TENM3: variants seen among roughly 807,000 people sequenced by gnomAD.
TENM3 encodes teneurin-3.
Under a neutral mutation model 255.1 loss-of-function variants are expected in TENM3, and 63 were observed. That is an observed-to-expected ratio of 0.25 (90% CI 0.20 to 0.30). The LOEUF is 0.30. TENM3 is among the 10% of genes least tolerant of loss of function. The pLI is 1.00. For missense variants in TENM3, 2,929 were observed against 3,461.1 expected (o/e 0.85, Z 3.86); for synonymous variants, 1,306 against 1,322.3 (o/e 0.99, Z 0.27).
the TENM3 span, among the ~76,000 whole-genome samples, chr4:181,729,438 G>A: frequency 6.6e-6 from 1 of 152,158 alleles, no homozygotes; most frequent in East Asian, 1.9e-4. Context: ...GCAGAAGCCC[G>A]GGTCACAGGA....
the TENM3 span, among the ~76,000 whole-genome samples, chr4:182,115,681 A>G: frequency 6.6e-6 from 1 of 152,106 alleles, no homozygotes; most frequent in Non-Finnish European, 1.5e-5. Flanking sequence ...CTCTTTTCTC[A>G]TTCACCCTTT....
At chr4:182,469,494 CA>C in intron 3 of TENM3, among the ~76,000 whole-genome samples, 1 of 152,076 alleles carries the variant, frequency 6.6e-6, no homozygotes. Context: ...GCAGGCATAT[CA>C]CTTGAGGTCA....
chr4:182,549,361 G>T (rs1487453033), intron 3 of TENM3, among the ~76,000 whole-genome samples: 2 of 152,172 alleles, frequency 1.3e-5, no homozygotes, highest in East Asian at 1.9e-4. Flanking sequence ...AAGTTGAGAG[G>T]AGTAGTTACC....
chr4:182,475,472 T>G (rs768896212), intron 3 of TENM3, among the ~76,000 whole-genome samples: 3 of 152,144 alleles, frequency 2.0e-5, no homozygotes, highest in African/African-American at 7.2e-5. Flanking sequence ...TTGATGGAAG[T>G]TGTAGTGAAC....
At position 182,606,983 on chromosome 4, in the gene TENM3, T is replaced by A. The variant is rs540448542; in HGVS notation, c.749+5822T>A. Among the ~76,000 whole-genome samples, 5 of 152,350 alleles carry A rather than the reference T, an allele frequency of 3.3e-5. No individual in the cohort carries two copies. The South Asian group carries it at 1.0e-3, about 32-fold the overall frequency. On this transcript the variant is annotated intron_variant, in intron 4 of 27. Transcript: ENST00000511685. ...GCTTTAGAGACCTGGTTTGTAATCCTGCATCCACCATTTTCACTAACTATT... is the reference window on the plus strand; with the variant it reads ...GCTTTAGAGACCTGGTTTGTAATCCAGCATCCACCATTTTCACTAACTATT...
chr4:182,681,742 A>T (rs1756194006), intron 10 of TENM3, 72 bp from the exon 11 acceptor site: 4 of 1,097,968 alleles, frequency 3.6e-6, no homozygotes, highest in East Asian at 5.2e-5. Flanking sequence ...TTAGATTAGG[A>T]TTTAATTCTT....
the TENM3 span, among the ~76,000 whole-genome samples, chr4:181,761,009 CA>C: frequency 1.4e-5 from 2 of 142,896 alleles, no homozygotes; most frequent in Non-Finnish European, 3.1e-5. Context: ...CACACACACA[CA>C]CACCCCGAAT....
chr4:181,457,429 G>T, the TENM3 span, among the ~76,000 whole-genome samples: 1 of 151,596 alleles, frequency 6.6e-6, no homozygotes, highest in African/African-American at 2.4e-5. Flanking sequence ...TCTCCTTCTT[G>T]GTAGTCATTT....
the TENM3 span, among the ~76,000 whole-genome samples, chr4:181,679,218 C>T: frequency 6.6e-6 from 1 of 152,082 alleles, no homozygotes; most frequent in Non-Finnish European, 1.5e-5. Context: ...CATTCTGTAC[C>T]TCACTGCCAG....
chr4:182,191,855 A>C (rs558089947), intron 1 of TENM3, among the ~76,000 whole-genome samples: 4 of 152,190 alleles, frequency 2.6e-5, no homozygotes, highest in Non-Finnish European at 5.9e-5. Context: ...ATCACAGATT[A>C]TCGCTGATCT....
intron 3 of TENM3, among the ~76,000 whole-genome samples, chr4:182,347,911 TG>T (rs1366084084): frequency 6.6e-6 from 1 of 151,964 alleles, no homozygotes; most frequent in Non-Finnish European, 1.5e-5. Context: ...AAAAGAAAAA[TG>T]GTTGTTTTAT....
At chr4:182,752,350 A>T (rs187279738) in intron 20 of TENM3, among the ~76,000 whole-genome samples, 1 of 152,308 alleles carries the variant, frequency 6.6e-6, no homozygotes, top group East Asian at 1.9e-4. Context: ...AACTTCAAGG[A>T]AGTATCCAAA....
At chr4:182,390,589 GT>G (rs1396188366) in intron 3 of TENM3, among the ~76,000 whole-genome samples, 1 of 152,164 alleles carries the variant, frequency 6.6e-6, no homozygotes, top group Non-Finnish European at 1.5e-5. Context: ...GTTGCAGAAG[GT>G]TTTGAGACAT....
the TENM3 span, among the ~76,000 whole-genome samples, chr4:181,646,131 TA>T: frequency 6.6e-6 from 1 of 152,208 alleles, no homozygotes; most frequent in African/African-American, 2.4e-5. Context: ...TTTGGGGTGC[TA>T]GGTATTGCTG....
the TENM3 span, among the ~76,000 whole-genome samples, chr4:181,498,062 T>C: frequency 6.6e-6 from 1 of 152,164 alleles, no homozygotes; most frequent in Non-Finnish European, 1.5e-5. Context: ...ATTTCTCAAG[T>C]TTATAGGTGA....
the TENM3 span, among the ~76,000 whole-genome samples, chr4:181,993,365 G>T: frequency 6.6e-6 from 1 of 152,068 alleles, no homozygotes; most frequent in Non-Finnish European, 1.5e-5. Flanking sequence ...CACTTAAAAA[G>T]CATCATTCTT....
At chr4:181,713,455 G>T in the TENM3 span, among the ~76,000 whole-genome samples, 1 of 152,238 alleles carries the variant, frequency 6.6e-6, no homozygotes, top group African/African-American at 2.4e-5. Context: ...GAAGTCAAAG[G>T]AGGTATTGTA....
the TENM3 span, among the ~76,000 whole-genome samples, chr4:181,861,583 T>C: frequency 1.3e-5 from 2 of 152,112 alleles, no homozygotes; most frequent in African/African-American, 4.8e-5. Context: ...TTTCTTTCTT[T>C]TTTCTTTCTA....
chr4:182,666,963 C>A (rs1334849040), intron 6 of TENM3, among the ~76,000 whole-genome samples: 1 of 151,934 alleles, frequency 6.6e-6, no homozygotes, highest in East Asian at 1.9e-4. Flanking sequence ...GTAAACATAA[C>A]TTTTATATGC....
Sources: gnomAD v4.1 joint callset for allele counts (sites outside exome capture counted in the v4.1 genomes callset) on GRCh38, gnomAD v4.1.1 for gene constraint, MANE v1.5 for transcripts, NCBI Gene and HGNC (gene_info 2026-07-23, HGNC 2026-07-21) for gene names.